ZNF407: variants seen among roughly 807,000 people sequenced by gnomAD.
ZNF407 encodes the protein zinc finger protein 407.
A neutral mutation model predicts 131.2 loss-of-function variants in ZNF407; 17 were observed. The observed-to-expected ratio is 0.13, with a 90% CI of 0.09 to 0.19. ZNF407 has a LOEUF of 0.19. Among genes scored for constraint, ZNF407 ranks in the 10% least tolerant of loss-of-function variants. ZNF407 has a pLI of 1.00. For synonymous variants in ZNF407, 1,156 were observed against 1,062.0 expected (o/e 1.09, Z -1.72); for missense variants, 2,681 against 2,830.6 (o/e 0.95, Z 1.20).
chr18:74,965,905 T>G (rs1568285341), intron 8 of ZNF407, among the ~76,000 whole-genome samples: 1 of 152,238 alleles, frequency 6.6e-6, no homozygotes, highest in Non-Finnish European at 1.5e-5. Context: ...ACATTTTGAT[T>G]GATGATCGAT....
At chr18:74,996,371 T>C (rs978313504) in intron 8 of ZNF407, among the ~76,000 whole-genome samples, 1 of 152,382 alleles carries the variant, frequency 6.6e-6, no homozygotes, top group Admixed American at 6.5e-5. Context: ...TCACTTATTA[T>C]GGCAGTAAAA....
At chr18:74,720,646 G>A (rs1191364361) in intron 3 of ZNF407, among the ~76,000 whole-genome samples, 2 of 152,062 alleles carry the variant, frequency 1.3e-5, no homozygotes. Context: ...TTACATTTAG[G>A]TGCTTGATCC....
At chr18:74,649,428 T>G (rs1985126093) in intron 3 of ZNF407, among the ~76,000 whole-genome samples, 1 of 152,228 alleles carries the variant, frequency 6.6e-6, no homozygotes, top group Non-Finnish European at 1.5e-5. Flanking sequence ...CATTATAATA[T>G]TAGAAAATAA....
chr18:74,923,638 A>G (rs371874145), intron 8 of ZNF407, among the ~76,000 whole-genome samples: 5 of 152,300 alleles, frequency 3.3e-5, no homozygotes, highest in South Asian at 4.1e-4. Flanking sequence ...TTGTGGATTT[A>G]TCTTTTAAAA....
At chr18:74,670,055 A>G (rs1337743077) in intron 3 of ZNF407, among the ~76,000 whole-genome samples, 2 of 152,190 alleles carry the variant, frequency 1.3e-5, no homozygotes, top group Non-Finnish European at 2.9e-5. Flanking sequence ...TCTGACATGT[A>G]GTCTTTATTC....
intron 3 of ZNF407, among the ~76,000 whole-genome samples, chr18:74,718,255 C>T (rs553983081): frequency 5.3e-5 from 8 of 151,018 alleles, no homozygotes; most frequent in Non-Finnish European, 2.9e-5. Flanking sequence ...GATTACTTTT[C>T]GTCACTGTTA....
intron 1 of ZNF407, among the ~76,000 whole-genome samples, chr18:74,623,887 T>A (rs1349053603): frequency 1.3e-5 from 2 of 152,080 alleles, no homozygotes; most frequent in Non-Finnish European, 2.9e-5. Context: ...AGATGGATAC[T>A]TGGGGAATCT....
chr18:74,940,759 G>A (rs544974161), intron 8 of ZNF407, among the ~76,000 whole-genome samples: 3 of 152,130 alleles, frequency 2.0e-5, no homozygotes, highest in Non-Finnish European at 2.9e-5. Context: ...TGTCTGCGGC[G>A]CACAGCTTGG....
At chr18:74,805,170 A>G (rs1359239131) in intron 4 of ZNF407, among the ~76,000 whole-genome samples, 1 of 152,210 alleles carries the variant, frequency 6.6e-6, no homozygotes, top group Non-Finnish European at 1.5e-5. Context: ...ACACACCTTG[A>G]TGAAGGTGTT....
chr18:74,721,564 A>G (rs947462204), intron 3 of ZNF407, among the ~76,000 whole-genome samples: 1 of 152,254 alleles, frequency 6.6e-6, no homozygotes, highest in Non-Finnish European at 1.5e-5. Context: ...CGCAGTCAGC[A>G]TACCAAAATC....
At chr18:74,716,186 A>G (rs1380836432) in intron 3 of ZNF407, among the ~76,000 whole-genome samples, 2 of 152,202 alleles carry the variant, frequency 1.3e-5, no homozygotes, top group Non-Finnish European at 2.9e-5. Flanking sequence ...TGATGCTGCT[A>G]CATTCGTGAG....
chr18:74,969,644 C>T (rs1254371729), intron 8 of ZNF407, among the ~76,000 whole-genome samples: 4 of 152,124 alleles, frequency 2.6e-5, no homozygotes, highest in Non-Finnish European at 5.9e-5. Flanking sequence ...GGCCTGTGCA[C>T]CTGGCCACCT....
chr18:74,951,038 T>C (rs1464296636), intron 8 of ZNF407, among the ~76,000 whole-genome samples: 1 of 152,144 alleles, frequency 6.6e-6, no homozygotes, highest in East Asian at 1.9e-4. Context: ...TGGGCACATA[T>C]TAAATATTAC....
intron 6 of ZNF407, among the ~76,000 whole-genome samples, chr18:74,884,144 T>A (rs1021265549): frequency 6.6e-6 from 1 of 152,232 alleles, no homozygotes; most frequent in African/African-American, 2.4e-5. Flanking sequence ...TCTTTTCATA[T>A]AATGTATGTC....
chr18:75,061,830 GT>G (rs1973637837), intron 8 of ZNF407: 1 of 152,474 alleles, frequency 6.6e-6, no homozygotes, highest in Non-Finnish European at 1.5e-5. Context: ...TTCTCTCCTG[GT>G]CTCCCCTTAT....
At chr18:74,823,145 C>T (rs888997594) in intron 4 of ZNF407, among the ~76,000 whole-genome samples, 3 of 152,148 alleles carry the variant, frequency 2.0e-5, no homozygotes, top group Non-Finnish European at 2.9e-5. Flanking sequence ...AAATCCTCTA[C>T]AGACATGCAA....
intron 7 of ZNF407, among the ~76,000 whole-genome samples, chr18:74,895,675 A>G (rs1050436377): frequency 6.6e-6 from 1 of 152,216 alleles, no homozygotes; most frequent in Non-Finnish European, 1.5e-5. Context: ...AGATAACAGT[A>G]TACATTTCTA....
At position 74,632,712 on chromosome 18, in the gene ZNF407, T is replaced by C; in HGVS notation, c.1693T>C (p.Ser565Pro). The C allele has an allele frequency of 6.2e-7, 1 of 1,614,018 alleles. No individual in the cohort carries two copies. Among genetic ancestry groups the C allele is most frequent in the Non-Finnish European group, 8.5e-7 (1 of 1,179,894 alleles). ...ATTTTACTGCCGTACTTGTGACTTC[T>C]CTAGTATGTCAAGAAGGGACTTAGA... ...MKFYCRTCDF[S>P]SMSRRDLDEH... Residue 565 changes from serine to proline, a missense_variant, in exon 2 of 9, where the codon TCT becomes CCT. Coordinates refer to ENST00000299687, the MANE Select transcript of ZNF407 (RefSeq NM_017757.3).
chr18:74,905,737 A>G (rs1032320333), intron 7 of ZNF407: 2 of 152,254 alleles, frequency 1.3e-5, no homozygotes, highest in African/African-American at 4.8e-5. Context: ...AAAAGCAAAA[A>G]GTAATGAGTA....
Sources: allele counts gnomAD v4.1 joint callset (sites outside exome capture counted in the v4.1 genomes callset), GRCh38; gene constraint gnomAD v4.1.1; transcripts MANE v1.5; gene names NCBI Gene and HGNC (gene_info 2026-07-23, HGNC 2026-07-21).